Variants in BNC2 observed in about 807,000 individuals in gnomAD.
The protein encoded by BNC2 is basonuclin zinc finger protein 2.
In BNC2, 20 loss-of-function variants were observed where a neutral mutation model predicts 76.3. That is an observed-to-expected ratio of 0.26 (90% CI 0.18 to 0.38). The LOEUF (loss-of-function observed/expected upper bound fraction) is 0.38. Ranked by LOEUF, BNC2 falls within the 10% of genes least tolerant of loss-of-function variation. The pLI is 1.00. For missense variants in BNC2, 1,382 were observed against 1,399.8 expected (o/e 0.99, Z 0.20); for synonymous variants, 582 against 514.8 (o/e 1.13, Z -1.77).
At chr9:16,538,117 C>G (rs930272813) in intron 5 of BNC2, among the ~76,000 whole-genome samples, 1 of 152,088 alleles carries the variant, frequency 6.6e-6, no homozygotes, top group African/African-American at 2.4e-5. Flanking sequence ...CAGCCTGGAT[C>G]CAGGTGTAAG....
intron 5 of BNC2, among the ~76,000 whole-genome samples, chr9:16,478,595 G>C (rs1821977613): frequency 6.6e-6 from 1 of 152,180 alleles, no homozygotes; most frequent in African/African-American, 2.4e-5. Context: ...TCAATGAACA[G>C]TGTTAGTGTA....
chr9:16,587,321 C>G (rs376486468), intron 3 of BNC2, among the ~76,000 whole-genome samples: 3 of 151,914 alleles, frequency 2.0e-5, no homozygotes, highest in African/African-American at 7.2e-5. Flanking sequence ...TCAAGCAATC[C>G]TCCCACCTCA....
intron 3 of BNC2, among the ~76,000 whole-genome samples, chr9:16,700,008 G>C (rs1000544865): frequency 6.6e-5 from 10 of 152,106 alleles, no homozygotes; most frequent in Non-Finnish European, 1.5e-4. Flanking sequence ...TCCCAGTTAA[G>C]TTGATCCACT....
At chr9:16,538,946 C>T (rs925461997) in intron 5 of BNC2, among the ~76,000 whole-genome samples, 2 of 152,134 alleles carry the variant, frequency 1.3e-5, no homozygotes, top group African/African-American at 2.4e-5. Context: ...GTGATCTCCC[C>T]TTTCCCTTAA....
Position 16,437,491 on chromosome 9 carries a change from T to C in BNC2, c.703A>G (p.Ile235Val), listed in dbSNP as rs2130866112. 6.2e-7 allele frequency: 1 copy of C among 1,613,542 alleles called. No homozygotes were observed. Among genetic ancestry groups the C allele is most frequent in the Non-Finnish European group, 8.5e-7 (1 of 1,179,998 alleles). The change falls in exon 6 of 7, where the codon ATC (isoleucine) becomes GTC (valine). Residue 235 changes from isoleucine (I) to valine (V), a missense_variant. Coordinates refer to ENST00000380672, the MANE Select transcript of BNC2 (RefSeq NM_017637.6). Reference protein sequence around the residue: ...AAGKVLDRWAIMSREEEIITL... With the variant: ...AAGKVLDRWAVMSREEEIITL... ...ATGATTTCCTCTTCTCGAGACATGA[T>C]GGCCCAGCGGTCCAGCACCTTGCCA...
intron 1 of BNC2, among the ~76,000 whole-genome samples, chr9:16,778,124 A>AT (rs1191494253): frequency 8.5e-5 from 13 of 152,194 alleles, no homozygotes; most frequent in Non-Finnish European, 1.9e-4. Flanking sequence ...TATTTTCTGC[A>AT]TTTTCCTATT....
At chr9:16,758,209 C>T (rs1043149335) in intron 1 of BNC2, among the ~76,000 whole-genome samples, 1 of 152,180 alleles carries the variant, frequency 6.6e-6, no homozygotes, top group African/African-American at 2.4e-5. Flanking sequence ...ATGGTCATCT[C>T]TCTCTGACCA....
chr9:16,530,631 T>C (rs1817947034), intron 5 of BNC2, among the ~76,000 whole-genome samples: 1 of 152,214 alleles, frequency 6.6e-6, no homozygotes, highest in Non-Finnish European at 1.5e-5. Flanking sequence ...GAGAGAAATA[T>C]CTGCATTAAC....
chr9:16,757,858 C>G (rs939809171), intron 1 of BNC2, among the ~76,000 whole-genome samples: 1 of 152,054 alleles, frequency 6.6e-6, no homozygotes, highest in African/African-American at 2.4e-5. Context: ...CTTTTTGTTC[C>G]TTTACAGTAT....
chr9:16,426,135 T>C (rs1820800461), intron 6 of BNC2, among the ~76,000 whole-genome samples: 1 of 152,234 alleles, frequency 6.6e-6, no homozygotes, highest in Admixed American at 6.5e-5. Context: ...AGCAAAGCCA[T>C]GAGCCCTGGC....
At chr9:16,430,643 T>G (rs1360646491) in intron 6 of BNC2, among the ~76,000 whole-genome samples, 1 of 152,182 alleles carries the variant, frequency 6.6e-6, no homozygotes, top group Non-Finnish European at 1.5e-5. Context: ...CTCATGTTAA[T>G]TTATTCCTGC....
rs138232159 is a variant in BNC2, at chr9:16,846,187, G to A, written c.3+24459C>T. Among the ~76,000 whole-genome samples the A allele has an allele frequency of 5.4e-4, 82 of 151,524 alleles. No individual in the cohort carries two copies. The East Asian group carries it at 0.012, about 23-fold the overall frequency. ...TTAGTATAAAATTAAAAAGAGCTAC[G>A]TTTGAAATATAGTTTTGGTGAATTT... On this transcript the variant is annotated intron_variant, in intron 1 of 6. Coordinates refer to ENST00000380672, the MANE Select transcript of BNC2 (RefSeq NM_017637.6).
chr9:16,787,731 G>T (rs1414197317), intron 1 of BNC2, among the ~76,000 whole-genome samples: 3 of 152,066 alleles, frequency 2.0e-5, no homozygotes, highest in East Asian at 1.9e-4. Context: ...TTTCTTCTTT[G>T]TAGAGACGAG....
At chr9:16,522,905 T>C (rs1225943914) in intron 5 of BNC2, among the ~76,000 whole-genome samples, 2 of 152,118 alleles carry the variant, frequency 1.3e-5, no homozygotes, top group Non-Finnish European at 2.9e-5. Flanking sequence ...TATAAAGTCA[T>C]CTATCAAGCC....
At chr9:16,759,602 A>G (rs1418833154) in intron 1 of BNC2, among the ~76,000 whole-genome samples, 1 of 152,218 alleles carries the variant, frequency 6.6e-6, no homozygotes, top group Non-Finnish European at 1.5e-5. Flanking sequence ...TAACCATGCC[A>G]TTTATATATA....
chr9:16,523,427 C>T (rs1220165966), intron 5 of BNC2, among the ~76,000 whole-genome samples: 3 of 148,594 alleles, frequency 2.0e-5, no homozygotes, highest in South Asian at 2.2e-4. Context: ...GCCGAGATAG[C>T]GCCACTGCAC....
At chr9:16,734,721 C>T (rs564143892) in intron 2 of BNC2, among the ~76,000 whole-genome samples, 2 of 152,168 alleles carry the variant, frequency 1.3e-5, no homozygotes, top group South Asian at 2.1e-4. Flanking sequence ...TATCCAAGCC[C>T]GTGACAAAAG....
At chr9:16,689,034 T>A (rs1004824255) in intron 3 of BNC2, among the ~76,000 whole-genome samples, 4 of 152,054 alleles carry the variant, frequency 2.6e-5, no homozygotes, top group African/African-American at 9.7e-5. Flanking sequence ...CCAGTGGGCA[T>A]TCACTTCGGT....
At chr9:16,482,843 C>T (rs1268114563) in intron 5 of BNC2, among the ~76,000 whole-genome samples, 1 of 152,158 alleles carries the variant, frequency 6.6e-6, no homozygotes, top group Admixed American at 6.5e-5. Context: ...TCACTGAACC[C>T]CTCAGATGGC....
Sources: gnomAD v4.1 joint callset for allele counts (sites outside exome capture counted in the v4.1 genomes callset) on GRCh38, gnomAD v4.1.1 for gene constraint, MANE v1.5 for transcripts, NCBI Gene and HGNC (gene_info 2026-07-23, HGNC 2026-07-21) for gene names.